Variants in SPMIP3 observed in about 807,000 individuals in gnomAD.
SPMIP3 encodes the protein protein SPMIP3.
At chr1:244,357,843 C>T in the SPMIP3 span, among the ~76,000 whole-genome samples, 3 of 151,920 alleles carry the variant, frequency 2.0e-5, no homozygotes, top group Non-Finnish European at 4.4e-5. Context: ...TTTGGGAAGC[C>T]GAGGTGGGAG....
At chr1:244,371,781 C>T in the SPMIP3 span, among the ~76,000 whole-genome samples, 1 of 152,242 alleles carries the variant, frequency 6.6e-6, no homozygotes. Context: ...CAAGGTGGTG[C>T]TTCAGAAAAT....
chr1:244,359,550 C>T, the SPMIP3 span, among the ~76,000 whole-genome samples: 2 of 151,960 alleles, frequency 1.3e-5, no homozygotes, highest in East Asian at 1.9e-4. Flanking sequence ...GATGAAACCC[C>T]GCCTCTACTA....
At chr1:244,356,668 A>C in the SPMIP3 span, among the ~76,000 whole-genome samples, 6 of 152,216 alleles carry the variant, frequency 3.9e-5, no homozygotes, top group African/African-American at 1.4e-4. Flanking sequence ...GAACCTGCAC[A>C]AGCCTTGACT....
At chr1:244,357,966 C>T in the SPMIP3 span, among the ~76,000 whole-genome samples, 55,223 of 151,862 alleles carry the variant, frequency 0.36, 11,600 homozygotes, top group Non-Finnish European at 0.49. Flanking sequence ...CATGCACCTG[C>T]AGTCCAAGCT....
the SPMIP3 span, among the ~76,000 whole-genome samples, chr1:244,359,687 C>G: frequency 6.6e-6 from 1 of 151,872 alleles, no homozygotes; most frequent in African/African-American, 2.4e-5. Context: ...CACGACATTG[C>G]ACTCCAGCCT....
At chr1:244,388,471 T>G in the SPMIP3 span, among the ~76,000 whole-genome samples, 1 of 152,102 alleles carries the variant, frequency 6.6e-6, no homozygotes, top group Non-Finnish European at 1.5e-5. Context: ...TATTCCTAAA[T>G]AACATAGTGA....
the SPMIP3 span, among the ~76,000 whole-genome samples, chr1:244,359,537 C>T: frequency 7.2e-5 from 11 of 152,114 alleles, no homozygotes; most frequent in African/African-American, 2.7e-4. Context: ...GCCTAGCCAA[C>T]ATGATGAAAC....
At chr1:244,354,742 A>G in the SPMIP3 span, among the ~76,000 whole-genome samples, 1 of 152,240 alleles carries the variant, frequency 6.6e-6, no homozygotes, top group South Asian at 2.1e-4. Flanking sequence ...CCAAGTCTTT[A>G]GAAAGTCCTT....
chr1:244,368,288 G>C, the SPMIP3 span, among the ~76,000 whole-genome samples: 1 of 152,100 alleles, frequency 6.6e-6, no homozygotes, highest in Non-Finnish European at 1.5e-5. Flanking sequence ...TATCCTGCCT[G>C]TCTCACCCCC....
the SPMIP3 span, among the ~76,000 whole-genome samples, chr1:244,357,912 A>G: frequency 4.6e-5 from 7 of 151,742 alleles, no homozygotes; most frequent in African/African-American, 1.7e-4. Context: ...ACCCATCTCT[A>G]CAAAAAAAGA....
chr1:244,364,777 CA>C, the SPMIP3 span: 1 of 1,613,454 alleles, frequency 6.2e-7, no homozygotes, highest in Non-Finnish European at 8.5e-7. Flanking sequence ...TCCAGATGCA[CA>C]GCCTCCGGGA....
At chr1:244,369,327 C>G in the SPMIP3 span, among the ~76,000 whole-genome samples, 1 of 152,074 alleles carries the variant, frequency 6.6e-6, no homozygotes, top group Non-Finnish European at 1.5e-5. Flanking sequence ...TGTAGAAGAT[C>G]GAAGATACAG....
the SPMIP3 span, among the ~76,000 whole-genome samples, chr1:244,380,772 G>T: frequency 1.3e-5 from 2 of 152,152 alleles, no homozygotes. Flanking sequence ...GATGGCCTGG[G>T]CTGGGCCCCT....
At chr1:244,375,490 A>C in the SPMIP3 span, 1 of 1,572,512 alleles carries the variant, frequency 6.4e-7, no homozygotes, top group Non-Finnish European at 8.7e-7. Flanking sequence ...CTCAATCCCA[A>C]TGTCCAAGAA....
At chr1:244,381,898 A>G in the SPMIP3 span, among the ~76,000 whole-genome samples, 2 of 152,142 alleles carry the variant, frequency 1.3e-5, no homozygotes, top group African/African-American at 4.8e-5. Flanking sequence ...GCCACTGCGC[A>G]TGACAGTGAC....
the SPMIP3 span, among the ~76,000 whole-genome samples, chr1:244,361,161 A>C: frequency 1.3e-5 from 2 of 152,096 alleles, no homozygotes; most frequent in Non-Finnish European, 2.9e-5. Flanking sequence ...TAGAAGAAAA[A>C]AGATCAGTGT....
chr1:244,361,235 C>CTTTTTTTTTTTTTTTTTTTTTTTTTTT, the SPMIP3 span, among the ~76,000 whole-genome samples: 23 of 119,298 alleles, frequency 1.9e-4, no homozygotes, highest in East Asian at 4.8e-4. Flanking sequence ...TTCTTTCTTT[C>CTTTTTTTTTTTTTTTTTTTTTTTTTTT]TTTTTTTTTT....
the SPMIP3 span, among the ~76,000 whole-genome samples, chr1:244,381,162 C>G: frequency 6.6e-6 from 1 of 151,848 alleles, no homozygotes; most frequent in South Asian, 2.1e-4. Flanking sequence ...ATGTACGAGG[C>G]TTGGGGCAGT....
the SPMIP3 span, among the ~76,000 whole-genome samples, chr1:244,373,634 T>C: frequency 2.0e-5 from 3 of 151,652 alleles, no homozygotes; most frequent in Non-Finnish European, 2.9e-5. Context: ...TCTTCTGAAA[T>C]AAAATCTGTA....
Sources: allele counts gnomAD v4.1 joint callset (sites outside exome capture counted in the v4.1 genomes callset), GRCh38; gene constraint gnomAD v4.1.1; transcripts MANE v1.5; gene names NCBI Gene and HGNC (gene_info 2026-07-23, HGNC 2026-07-21).